The following HSD17B3 variants were observed in gnomAD, a reference collection of about 807,000 sequenced individuals.
The protein encoded by HSD17B3 is hydroxysteroid 17-beta dehydrogenase 3.
In HSD17B3, 29 loss-of-function variants were observed where a neutral mutation model predicts 41.1. The observed-to-expected ratio is 0.71, with a 90% CI of 0.53 to 0.96. The LOEUF (loss-of-function observed/expected upper bound fraction) is 0.96, where lower values mean the gene tolerates loss of function less well. HSD17B3 is among the 40% of genes least tolerant of loss of function. The probability of loss-of-function intolerance (pLI) is 0.00; values close to 1 mark genes in which losing one functional copy is unlikely to be tolerated. For synonymous variants in HSD17B3, 126 were observed against 145.6 expected, an observed-to-expected ratio of 0.87 and a Z score of 0.97; for missense variants, 323 against 374.6, an observed-to-expected ratio of 0.86 and a Z score of 1.14.
chr9:96,251,275 G>T (rs1016814300), intron 5 of HSD17B3, 143 bp downstream of exon 5: 2 of 682,304 alleles, frequency 2.9e-6, no homozygotes, highest in African/African-American at 1.8e-5. Context: ...AGGTGAAGAG[G>T]AAAGGGGGCC....
At chr9:96,242,835 T>C (rs1836507966) in intron 9 of HSD17B3, among the ~76,000 whole-genome samples, 2 of 152,220 alleles carry the variant, frequency 1.3e-5, no homozygotes, top group African/African-American at 4.8e-5. Context: ...GCGATGATCA[T>C]TCATGTTTAG....
chr9:96,294,737 A>G (rs1424844445), intron 2 of HSD17B3, among the ~76,000 whole-genome samples: 1 of 152,194 alleles, frequency 6.6e-6, no homozygotes, highest in Non-Finnish European at 1.5e-5. Flanking sequence ...GCAAATAGCT[A>G]GAAACATTTT....
intron 2 of HSD17B3, among the ~76,000 whole-genome samples, chr9:96,271,882 CT>C (rs1293981003): frequency 3.9e-5 from 6 of 152,102 alleles, no homozygotes; most frequent in Non-Finnish European, 8.8e-5. Flanking sequence ...CATTTTAGCA[CT>C]GGTTACCTTT....
At chr9:96,279,522 G>C (rs1826604407) in intron 2 of HSD17B3, among the ~76,000 whole-genome samples, 1 of 152,134 alleles carries the variant, frequency 6.6e-6, no homozygotes, top group South Asian at 2.1e-4. Flanking sequence ...CCAGGTAGCA[G>C]GCTTTAGAGA....
chr9:96,245,634 C>T (rs975677769), intron 7 of HSD17B3, among the ~76,000 whole-genome samples: 4 of 152,266 alleles, frequency 2.6e-5, no homozygotes, highest in Middle Eastern at 3.4e-3. Flanking sequence ...GGATTTCCGC[C>T]GCACAGTGAT....
chr9:96,297,636 C>T lies in HSD17B3; in HGVS notation c.201+780G>A, dbSNP rs111578822. 4.6e-3 allele frequency among the ~76,000 whole-genome samples: 706 copies of T among 152,174 alleles called. 7 individuals are homozygous for T. Among genetic ancestry groups the T allele is most frequent in the African/African-American group, 0.015 (625 of 41,538 alleles). On this transcript the variant is annotated intron_variant, in intron 2 of 10. Transcript: ENST00000375263. ...TGCTGGGATTACAGGAGTGAGCCAC[C>T]GTGCCCAGCTGGTGTTATTGATTTT...
Position 96,302,014 on chromosome 9 carries a change from C to G in HSD17B3, c.91G>C (p.Val31Leu), listed in dbSNP as rs2066480. Residue 31 changes from valine to leucine, a missense_variant, in exon 1 of 11, where the codon GTT becomes CTT. Val to Leu is a conservative substitution (Grantham distance 32, BLOSUM62 1). Coordinates refer to ENST00000375263, the MANE Select transcript of HSD17B3 (RefSeq NM_000197.2). Reference sequence around the variant, plus strand: ...AAAACTTTCCAGTAGTTCAGTAAAACACATCTGGAGAATCTCACGCACTTC... The same window carrying G: ...AAAACTTTCCAGTAGTTCAGTAAAAGACATCTGGAGAATCTCACGCACTTC... ...LAKCVRFSRC[V>L]LLNYWKVLPK... 2 of 1,614,030 alleles carry G rather than the reference C, an allele frequency of 1.2e-6. No individual in the cohort carries two copies. The highest frequency in any genetic ancestry group is 2.7e-5 in the African/African-American group (2 of 74,902).
chr9:96,280,485 T>C (rs1826648113), intron 2 of HSD17B3, among the ~76,000 whole-genome samples: 1 of 152,196 alleles, frequency 6.6e-6, no homozygotes, highest in Non-Finnish European at 1.5e-5. Flanking sequence ...TAAAAATAAC[T>C]AAAAACTCAA....
intron 1 of HSD17B3, among the ~76,000 whole-genome samples, chr9:96,301,365 T>TA (rs1474828793): frequency 6.8e-6 from 1 of 147,696 alleles, no homozygotes; most frequent in Non-Finnish European, 1.5e-5. Flanking sequence ...AATCACAAGG[T>TA]CAAGAGTTTG....
At chr9:96,290,055 C>T (rs140099871) in intron 2 of HSD17B3, among the ~76,000 whole-genome samples, 49 of 152,124 alleles carry the variant, frequency 3.2e-4, no homozygotes, top group African/African-American at 1.0e-3. Flanking sequence ...AAAGAAAGGG[C>T]TTGAATTCAG....
chr9:96,241,596 T>A (rs968935750), intron 9 of HSD17B3, among the ~76,000 whole-genome samples: 1 of 152,114 alleles, frequency 6.6e-6, no homozygotes, highest in Non-Finnish European at 1.5e-5. Flanking sequence ...GGATTCATAA[T>A]GGGGTTTTAT....
Position 96,277,210 on chromosome 9 carries a change from AG to A in HSD17B3, c.201+21205del, listed in dbSNP as rs200771666. Among the ~76,000 whole-genome samples, 9 of 150,676 alleles carry A rather than the reference AG, an allele frequency of 6.0e-5. 1 individual carries two copies. The highest frequency in any genetic ancestry group is 8.9e-5 in the Non-Finnish European group (6 of 67,770). ...AGCAAGACTCCAGCTCAAAAAAAAA[AG>A]AAAGAAAATGCATCAAACTAAAAAG... On this transcript the variant is annotated intron_variant, in intron 2 of 10. Coordinates refer to ENST00000375263, the MANE Select transcript of HSD17B3 (RefSeq NM_000197.2).
At chr9:96,272,424 T>TATATAAA (rs1554699295) in intron 2 of HSD17B3, among the ~76,000 whole-genome samples, 1 of 90,026 alleles carries the variant, frequency 1.1e-5, no homozygotes, top group African/African-American at 3.9e-5. Flanking sequence ...TATATATATA[T>TATATAAA]ATATATATAT....
At chr9:96,299,705 G>A (rs1310528945) in intron 1 of HSD17B3, among the ~76,000 whole-genome samples, 1 of 152,170 alleles carries the variant, frequency 6.6e-6, no homozygotes, top group African/African-American at 2.4e-5. Context: ...TAAAAATGAT[G>A]ACACAAGGAT....
chr9:96,301,427 C>T (rs978653518), intron 1 of HSD17B3, among the ~76,000 whole-genome samples: 2 of 148,472 alleles, frequency 1.3e-5, no homozygotes, highest in African/African-American at 5.0e-5. Flanking sequence ...AAATACAAAA[C>T]GTTGGCTGGG....
At chr9:96,241,960 A>AAAAAGAAAGAAAG (rs1836458147) in intron 9 of HSD17B3, among the ~76,000 whole-genome samples, 1 of 124,116 alleles carries the variant, frequency 8.1e-6, no homozygotes, top group Non-Finnish European at 1.7e-5. Context: ...AAAAGAACAG[A>AAAAAGAAAGAAAG]AAAAGAAAGA....
At chr9:96,266,323 A>G (rs1826042436) in intron 2 of HSD17B3, among the ~76,000 whole-genome samples, 1 of 152,198 alleles carries the variant, frequency 6.6e-6, no homozygotes, top group African/African-American at 2.4e-5. Context: ...CCCAGGCTGT[A>G]GTGCAGTGGT....
chr9:96,260,625 A>G (rs1292086456), intron 2 of HSD17B3, among the ~76,000 whole-genome samples: 2 of 152,164 alleles, frequency 1.3e-5, no homozygotes, highest in African/African-American at 2.4e-5. Context: ...TTAGCTGGGC[A>G]TGGTGGCATA....
intron 2 of HSD17B3, among the ~76,000 whole-genome samples, chr9:96,255,453 A>G (rs1286072061): frequency 5.7e-5 from 7 of 123,130 alleles, no homozygotes; most frequent in Non-Finnish European, 1.1e-4. Flanking sequence ...GCAATGGTGT[A>G]ATCTCGGCCC....
Sources: allele counts gnomAD v4.1 joint callset (sites outside exome capture counted in the v4.1 genomes callset), GRCh38; gene constraint gnomAD v4.1.1; transcripts MANE v1.5; gene names NCBI Gene and HGNC (gene_info 2026-07-23, HGNC 2026-07-21).